PLEC: variants seen among roughly 807,000 people sequenced by gnomAD.
PLEC encodes the protein plectin, also known as hemidesmosomal protein 1.
In PLEC, 216 loss-of-function variants were observed where a neutral mutation model predicts 392.8. The observed-to-expected ratio is 0.55, with a 90% CI of 0.49 to 0.62. The LOEUF (loss-of-function observed/expected upper bound fraction) is 0.62, where lower values mean the gene tolerates loss of function less well. Among genes scored for constraint, PLEC ranks in the 20% least tolerant of loss-of-function variants. PLEC has a pLI of 0.00. For synonymous variants in PLEC, 3,621 were observed against 2,980.6 expected (o/e 1.21, Z -7.00); for missense variants, 6,863 against 6,563.4 (o/e 1.05, Z -1.58).
intron 30 of PLEC, among the ~76,000 whole-genome samples, chr8:143,926,385 G>A (rs1586950136): frequency 6.6e-6 from 1 of 152,334 alleles, no homozygotes; most frequent in East Asian, 1.9e-4. Flanking sequence ...AGAAGGTAGG[G>A]AGAAGCCAAC....
intron 1 of PLEC, among the ~76,000 whole-genome samples, 188 bp from the exon 2 acceptor site, chr8:143,938,880 T>C (rs977862823): frequency 6.6e-6 from 1 of 151,862 alleles, no homozygotes; most frequent in Non-Finnish European, 1.5e-5. Context: ...GAGACCCAGG[T>C]GCCAGGGGCC....
rs1554744845 is a variant in PLEC, at chr8:143,973,140, C to T, written c.70+263G>A. ...GCTCAGACAGCCGACCCCGACAAGC[C>T]CTGAGCGCCCCCACCCGCCCGCGGC... On this transcript the variant is annotated intron_variant, in intron 1 of 31. Transcript: ENST00000356346. This position sits in a 1 kb window ranked among gnomAD's most constrained non-coding sequence, Gnocchi z 5.6. Among the ~76,000 whole-genome samples, 2 of 152,174 alleles carry T rather than the reference C, an allele frequency of 1.3e-5. No homozygotes were observed. The highest frequency in any genetic ancestry group is 4.8e-5 in the African/African-American group (2 of 41,440).
chr8:143,922,051 C>T lies in PLEC; in HGVS notation c.7770G>A (p.Glu2590=), dbSNP rs1554688100. The T allele has an allele frequency of 6.3e-7, 1 of 1,593,732 alleles. No individual in the cohort carries two copies. The highest frequency in any genetic ancestry group is 1.7e-5 in the Admixed American group (1 of 59,502). ...RRQQEELLAE[E]NQRLREQLQL... Reference sequence around the variant, plus strand: ...GCAGCTGCTCACGCAGCCTCTGGTTCTCCTCAGCCAGCAGCTCCTCCTGCT... The same window carrying T: ...GCAGCTGCTCACGCAGCCTCTGGTTTTCCTCAGCCAGCAGCTCCTCCTGCT... Residue 2590 remains glutamate (E), a synonymous_variant, in exon 32 of 32, where the codon GAG becomes GAA. Transcript: ENST00000345136.
chr8:143,959,660 C>G (rs1270715688), intron 1 of PLEC, among the ~76,000 whole-genome samples: 2 of 152,214 alleles, frequency 1.3e-5, no homozygotes, highest in African/African-American at 4.8e-5. Context: ...GCTGGAGGGA[C>G]GACGACTGCA....
Position 143,923,215 on chromosome 8 carries a change from C to G in PLEC, c.6714G>C (p.Glu2238Asp). 6.2e-7 allele frequency: 1 copy of G among 1,603,220 alleles called. No homozygotes were observed. Among genetic ancestry groups the G allele is most frequent in the Non-Finnish European group, 8.5e-7 (1 of 1,179,900 alleles). Residue 2238 changes from glutamate to aspartate, a missense_variant, in exon 31 of 32, where the codon GAG becomes GAC. Transcript: ENST00000345136. ...EELFSVRVQMEELSKLKARIE... is the reference protein window; with the variant it reads ...EELFSVRVQMDELSKLKARIE... Reference sequence around the variant, plus strand: ...TGCGTGCCTTGAGCTTGCTCAGCTCCTCCATCTGCACGCGCACCGAGAAGA... The same window carrying G: ...TGCGTGCCTTGAGCTTGCTCAGCTCGTCCATCTGCACGCGCACCGAGAAGA...
Position 143,916,330 on chromosome 8 carries a change from GGAGCCGGTGCGC to G in PLEC, c.13479_13490del (p.Thr4495_Arg4498del), listed in dbSNP as rs782472576. Reference sequence around the variant, plus strand: ...AGCTGCCGCGGCGGGAGCCGGCCCGGGAGCCGGTGCGCGAGCCGGTGCGGGAGCCAGCGGTAG... The same window carrying G: ...AGCTGCCGCGGCGGGAGCCGGCCCGGGAGCCGGTGCGGGAGCCAGCGGTAG... On this transcript the variant is annotated inframe_deletion, in exon 32 of 32. Transcript: ENST00000345136. The G allele has an allele frequency of 4.0e-5, 64 of 1,594,888 alleles. No individual in the cohort carries two copies. Among genetic ancestry groups the G allele is most frequent in the East Asian group, 9.1e-5 (4 of 44,100 alleles).
rs781912193 is a variant in PLEC, at chr8:143,939,440, C to T, written c.22G>A (p.Val8Met). The T allele has an allele frequency of 1.4e-5, 23 of 1,612,034 alleles. No homozygotes were observed. Among genetic ancestry groups the T allele is most frequent in the Non-Finnish European group, 1.8e-5 (21 of 1,179,686 alleles). ...CGGCCCAGGCCCTCGGGCTGCGGCA[C>T]GCGGAGCTGGTGCTGAGACATGCTG... MSQHQLR[V>M]PQPEGLGRKR... Residue 8 changes from valine to methionine, a missense_variant, in exon 1 of 32, where the codon GTG becomes ATG. Physicochemically the swap from Val to Met is conservative, Grantham distance 21 (BLOSUM62 1). Coordinates refer to ENST00000345136, the MANE Select transcript of PLEC (RefSeq NM_201384.3).
intron 24 of PLEC, 52 bp from the exon 25 acceptor site, chr8:143,929,333 GC>G: frequency 6.4e-7 from 1 of 1,565,940 alleles, no homozygotes; most frequent in Non-Finnish European, 8.6e-7. Context: ...AGCACACAGC[GC>G]CCCTTGAAGG....
upstream of PLEC, chr8:143,939,636 C>A: frequency 1.4e-6 from 2 of 1,423,678 alleles, no homozygotes; most frequent in Non-Finnish European, 1.8e-6. Flanking sequence ...TACTCCCCGG[C>A]GAGGCCGGCC....
upstream of PLEC, chr8:143,943,899 C>T (rs782271543): frequency 4.3e-6 from 7 of 1,610,236 alleles, no homozygotes; most frequent in East Asian, 8.9e-5. Flanking sequence ...ATAGCCGCCA[C>T]GCGGAGCCGC....
Position 143,924,483 on chromosome 8 carries a change from G to A in PLEC, c.5446C>T (p.Gln1816Ter). Residue 1816 changes from glutamine (Q) to a stop codon, truncating the protein, a stop_gained, in exon 31 of 32, where the codon CAG (glutamine) becomes TAG (stop). Transcript: ENST00000345136. LOFTEE classifies it high-confidence loss of function. Reference protein sequence around the residue: ...LRALAEEAKRQRQLAEEDAAR... With the variant: ...LRALAEEAKR ...GCGTCTTCCTCGGCCAGCTGCCGCTGCCGCTTGGCCTCTTCCGCCAGGGCA... is the reference window on the plus strand; with the variant it reads ...GCGTCTTCCTCGGCCAGCTGCCGCTACCGCTTGGCCTCTTCCGCCAGGGCA... 1 of 1,537,504 alleles carries A rather than the reference G, an allele frequency of 6.5e-7. No homozygotes were observed. Among genetic ancestry groups the A allele is most frequent in the Non-Finnish European group, 8.7e-7 (1 of 1,150,406 alleles).
At chr8:143,951,693 C>T (rs1444757168), upstream of PLEC, among the ~76,000 whole-genome samples, 1 of 152,154 alleles carries the variant, frequency 6.6e-6, no homozygotes, top group East Asian at 1.9e-4. Context: ...TCACCGAGTC[C>T]CTACCGCCCA....
chr8:143,938,759 G>T, intron 1 of PLEC, 67 bp from the exon 2 acceptor site: 5 of 1,376,206 alleles, frequency 3.6e-6, no homozygotes, highest in Admixed American at 3.4e-5. Flanking sequence ...GGTGACCACC[G>T]TGCAGACACA....
chr8:143,920,268 T>G lies in PLEC; in HGVS notation c.9553A>C (p.Ser3185Arg). The G allele has an allele frequency of 6.3e-7, 1 of 1,596,798 alleles. No individual in the cohort carries two copies. The highest frequency in any genetic ancestry group is 1.7e-4 in the Middle Eastern group (1 of 6,034). Reference sequence around the variant, plus strand: ...CCGTAGGTGGCCGGCTCCCCTGTGCTGGGGTCACTGTAGGCCTTGGCGTCG... The same window carrying G: ...CCGTAGGTGGCCGGCTCCCCTGTGCGGGGGTCACTGTAGGCCTTGGCGTCG... Reference protein sequence around the residue: ...RADAKAYSDPSTGEPATYGEL... With the variant: ...RADAKAYSDPRTGEPATYGEL... The change falls in exon 32 of 32, where the codon AGC becomes CGC. Residue 3185 changes from serine (S) to arginine (R), a missense_variant. By Grantham distance (110) the Ser-to-Arg change is moderately radical (BLOSUM62 -1). Transcript: ENST00000345136.
rs371301902 is a variant in PLEC at position 143,923,308 on chromosome 8, C to G, written c.6621G>C (p.Glu2207Asp). The G allele has an allele frequency of 8.7e-6, 14 of 1,609,596 alleles. No individual in the cohort carries two copies. Among genetic ancestry groups the G allele is most frequent in the Middle Eastern group, 3.3e-4 (2 of 6,062 alleles). Residue 2207 changes from glutamate (E) to aspartate (D), a missense_variant, in exon 31 of 32, where the codon GAG becomes GAC. By Grantham distance (45) the Glu-to-Asp change is conservative. Transcript: ENST00000345136. ...CCTCCGCCTTCAGCCGCTGCAGCTC[C>G]TCGTCCAGCAGGTTCTTCTGGTGGT... ...ETDHQKNLLD[E>D]ELQRLKAEAT...
At chr8:143,943,759 C>A (rs1488978152), upstream of PLEC, 1 of 1,607,458 alleles carries the variant, frequency 6.2e-7, no homozygotes, top group Non-Finnish European at 8.5e-7. Flanking sequence ...GAGTCCCTGG[C>A]AGCCACCAGC....
chr8:143,953,937 C>CCCCGGGCGCATGCT (rs1446264990), upstream of PLEC: 1 of 1,400,404 alleles, frequency 7.1e-7, no homozygotes, highest in South Asian at 1.6e-5. Flanking sequence ...GACAGGGCCG[C>CCCCGGGCGCATGCT]CCCGGGCGCA....
Position 143,973,296 on chromosome 8 carries a change from G to T in PLEC, c.70+107C>A. On this transcript the variant is annotated intron_variant, in intron 1 of 31. Coordinates refer to the PLEC transcript ENST00000356346. The surrounding 1 kb of genome is among the most constrained non-coding windows in gnomAD (Gnocchi z 5.6). ...GATCCAGGCGGACGAGGCCGGCGGA[G>T]TGGCCGCGCTCGGGCCGGCGATCGG... The T allele has an allele frequency of 1.4e-6, 2 of 1,397,994 alleles. No individual in the cohort carries two copies. Among genetic ancestry groups the T allele is most frequent in the Non-Finnish European group, 1.9e-6 (2 of 1,027,074 alleles). 86.6% of individuals were successfully genotyped at this position (1,397,994 alleles called of 1,614,324 possible).
rs782108020 is a variant in PLEC at position 143,921,248 on chromosome 8, G to A, written c.8573C>T (p.Thr2858Met). 1.6e-5 allele frequency: 26 copies of A among 1,614,012 alleles called. No individual in the cohort carries two copies. The highest frequency in any genetic ancestry group is 1.6e-4 in the Middle Eastern group (1 of 6,084). The change falls in exon 32 of 32, where the codon ACG becomes ATG. Residue 2858 changes from threonine to methionine, a missense_variant. Thr to Met is a moderately conservative substitution (Grantham distance 81, BLOSUM62 -1). Coordinates refer to ENST00000345136, the MANE Select transcript of PLEC (RefSeq NM_201384.3). ...DDTKGFFDPN[T>M]HENLTYLQLL... is the part of the protein sequence containing the mutation. ...CTGCAGGTACGTGAGGTTCTCGTGC[G>A]TGTTGGGGTCAAAGAAGCCCTTGGT... is the stretch of plus-strand genomic sequence containing the variant.
Sources: gnomAD v4.1 joint callset for allele counts (sites outside exome capture counted in the v4.1 genomes callset) on GRCh38, gnomAD v4.1.1 for gene constraint, Gnocchi (gnomAD v3.1) non-coding constraint, MANE v1.5 for transcripts, NCBI Gene and HGNC (gene_info 2026-07-23, HGNC 2026-07-21) for gene names.